Variants in NIPAL3 observed in about 807,000 individuals in gnomAD.
NIPAL3 encodes the protein NIPA-like protein 3.
NIPAL3 carries 41 observed loss-of-function variants against 47.2 expected under a neutral mutation model. The ratio of observed to expected loss-of-function variants is 0.87; its 90% CI spans 0.68 to 1.13. NIPAL3 has a LOEUF of 1.13. Ranked by LOEUF, NIPAL3 falls within the 50% of genes most tolerant of loss-of-function variation. NIPAL3 has a pLI of 0.00. For missense variants in NIPAL3, 449 were observed against 530.1 expected, an observed-to-expected ratio of 0.85 and a Z score of 1.50; for synonymous variants, 194 against 209.6, an observed-to-expected ratio of 0.93 and a Z score of 0.64.
Position 24,456,247 on chromosome 1 carries a change from G to A in NIPAL3, c.747G>A (p.Met249Ile). The change falls in exon 8 of 12, where the codon ATG becomes ATA. Residue 249 changes from methionine to isoleucine, a missense_variant. Met to Ile is a conservative substitution (Grantham distance 10). Transcript: ENST00000374399. Reference protein sequence around the residue: ...YPIFYVMFVCMVATAVYQAAF... With the variant: ...YPIFYVMFVCIVATAVYQAAF... ...TCTTCTACGTGATGTTCGTGTGCAT[G>A]GTGGCAACCGCCGTCTATCAGGCTG... is the stretch of plus-strand genomic sequence containing the variant. The A allele has an allele frequency of 6.2e-7, 1 of 1,614,206 alleles. No individual in the cohort carries two copies. The highest frequency in any genetic ancestry group is 8.5e-7 in the Non-Finnish European group (1 of 1,180,052).
At chr1:24,425,951 C>A (rs1187514922) in intron 2 of NIPAL3, among the ~76,000 whole-genome samples, 5 of 152,140 alleles carry the variant, frequency 3.3e-5, no homozygotes, top group African/African-American at 4.8e-5. Flanking sequence ...CTTTCATAGC[C>A]AATTAACAAT....
chr1:24,436,637 C>T (rs1045895727), intron 2 of NIPAL3, among the ~76,000 whole-genome samples: 2 of 148,932 alleles, frequency 1.3e-5, no homozygotes, highest in Non-Finnish European at 2.9e-5. Context: ...TATAGGCGCC[C>T]ACCACCACGC....
At chr1:24,431,299 G>C (rs981175873) in intron 2 of NIPAL3, among the ~76,000 whole-genome samples, 1 of 152,148 alleles carries the variant, frequency 6.6e-6, no homozygotes, top group Non-Finnish European at 1.5e-5. Context: ...AAGATTCTAA[G>C]GTAAATGAAG....
rs1646815376 is a variant in NIPAL3 at position 24,469,039 on chromosome 1, T to G, written c.1075T>G (p.Ser359Ala). The G allele has an allele frequency of 1.2e-5, 19 of 1,614,172 alleles. No individual in the cohort carries two copies. In the East Asian group the frequency reaches 3.3e-4, roughly 28 times the overall value. ...GACTGTCCAGCCTGAACTTAAAGCT[T>G]CTTTTTCCTATGGGGCTCTGGAAAA... is the stretch of plus-strand genomic sequence containing the variant. ...GMTVQPELKA[S>A]FSYGALENND... Residue 359 changes from serine to alanine, a missense_variant, in exon 12 of 12, where the codon TCT becomes GCT. Transcript: ENST00000374399.
At chr1:24,455,354 A>AT (rs1274179999) in intron 7 of NIPAL3, among the ~76,000 whole-genome samples, 2 of 152,184 alleles carry the variant, frequency 1.3e-5, no homozygotes, top group Non-Finnish European at 2.9e-5. Flanking sequence ...AACTTCAATC[A>AT]TTTTTTCTCT....
At chr1:24,428,320 C>G (rs1167124664) in intron 2 of NIPAL3, among the ~76,000 whole-genome samples, 1 of 139,914 alleles carries the variant, frequency 7.1e-6, no homozygotes, top group East Asian at 2.2e-4. Flanking sequence ...AACCTTTCCC[C>G]AAAGCCAGCT....
chr1:24,451,787 TTGA>T lies in NIPAL3; in HGVS notation c.541-1616_541-1614del, dbSNP rs1167151272. Among the ~76,000 whole-genome samples the T allele has an allele frequency of 6.6e-6, 1 of 152,162 alleles. No homozygotes were observed. Among genetic ancestry groups the T allele is most frequent in the Non-Finnish European group, 1.5e-5 (1 of 68,024 alleles). On this transcript the variant is annotated intron_variant, in intron 6 of 11. Transcript: ENST00000374399. The surrounding 1 kb of genome is among the most constrained non-coding windows in gnomAD (Gnocchi z 4.5). The stretch of plus-strand genomic sequence containing the variant: ...AATGCAGGCACAGTGGTTGGGAATG[TTGA>T]TGATTGACAGCACATCCACTTGATG...
intron 2 of NIPAL3, among the ~76,000 whole-genome samples, chr1:24,430,654 T>A (rs1263119123): frequency 2.0e-5 from 3 of 152,220 alleles, no homozygotes; most frequent in African/African-American, 7.2e-5. Context: ...CCACCTTCAT[T>A]TTTGTTCAAA....
intron 2 of NIPAL3, among the ~76,000 whole-genome samples, chr1:24,436,715 T>C (rs1030755403): frequency 1.1e-4 from 17 of 151,798 alleles, no homozygotes; most frequent in Non-Finnish European, 2.5e-4. Context: ...GCCAGACTGG[T>C]CTCGAACTCC....
intron 9 of NIPAL3, among the ~76,000 whole-genome samples, chr1:24,459,693 G>T (rs1646382720): frequency 6.6e-6 from 1 of 152,282 alleles, no homozygotes; most frequent in African/African-American, 2.4e-5. Flanking sequence ...GAGGCGCACA[G>T]CTTCCAGGGC....
At chr1:24,465,252 C>T (rs1296356529) in intron 11 of NIPAL3, 1 of 151,984 alleles carries the variant, frequency 6.6e-6, no homozygotes, top group East Asian at 1.9e-4. Flanking sequence ...TGCTCAGATT[C>T]CTTTTTTGCT....
intron 3 of NIPAL3, 31 bp downstream of exon 3, chr1:24,440,271 A>T (rs940331247): frequency 1.3e-6 from 2 of 1,522,204 alleles, no homozygotes; most frequent in Non-Finnish European, 1.8e-6. Flanking sequence ...CTGTCTGGGG[A>T]CAGAGACACA....
chr1:24,423,527 G>A (rs998206359), intron 2 of NIPAL3, among the ~76,000 whole-genome samples: 25 of 152,168 alleles, frequency 1.6e-4, no homozygotes, highest in African/African-American at 5.3e-4. Flanking sequence ...CTACTGGGGA[G>A]GCTGAGGCAG....
chr1:24,457,711 C>T, intron 8 of NIPAL3: 1 of 531,622 alleles, frequency 1.9e-6, no homozygotes, highest in Non-Finnish European at 3.9e-6. Context: ...CCTCACTGCT[C>T]TGCTCTTCTG....
At chr1:24,448,630 T>C (rs1377489561) in intron 5 of NIPAL3, among the ~76,000 whole-genome samples, 1 of 149,764 alleles carries the variant, frequency 6.7e-6, no homozygotes, top group Non-Finnish European at 1.5e-5. Flanking sequence ...CACAGTGCAA[T>C]ACCATCATGG....
At chr1:24,433,640 A>G (rs1644974300) in intron 2 of NIPAL3, among the ~76,000 whole-genome samples, 1 of 152,228 alleles carries the variant, frequency 6.6e-6, no homozygotes, top group Non-Finnish European at 1.5e-5. Context: ...TCACTTATTC[A>G]GGAAACATAA....
chr1:24,456,640 G>A (rs1646228170), intron 8 of NIPAL3, among the ~76,000 whole-genome samples: 1 of 152,188 alleles, frequency 6.6e-6, no homozygotes, highest in South Asian at 2.1e-4. Context: ...GCACATGCCT[G>A]TAGTCCCAGC....
At chr1:24,424,268 A>G (rs1644470981) in intron 2 of NIPAL3, among the ~76,000 whole-genome samples, 1 of 152,192 alleles carries the variant, frequency 6.6e-6, no homozygotes, top group Non-Finnish European at 1.5e-5. Flanking sequence ...CTTCTTAGCT[A>G]AGTGACCTTG....
At chr1:24,424,851 T>C (rs955170592) in intron 2 of NIPAL3, among the ~76,000 whole-genome samples, 4 of 152,164 alleles carry the variant, frequency 2.6e-5, no homozygotes, top group African/African-American at 7.2e-5. Context: ...CTCAGAAAAG[T>C]GGTCATGTGG....
Sources: gnomAD v4.1 joint callset for allele counts (sites outside exome capture counted in the v4.1 genomes callset) on GRCh38, gnomAD v4.1.1 for gene constraint, Gnocchi (gnomAD v3.1) non-coding constraint, MANE v1.5 for transcripts, NCBI Gene and HGNC (gene_info 2026-07-23, HGNC 2026-07-21) for gene names.